Variants in CADPS observed in about 807,000 individuals in gnomAD.
The protein encoded by CADPS is calcium-dependent secretion activator 1.
A neutral mutation model predicts 167.3 loss-of-function variants in CADPS; 57 were observed. The observed-to-expected ratio is 0.34, with a 90% confidence interval of 0.28 to 0.42. The LOEUF is 0.42. Ranked by LOEUF, CADPS falls within the 20% of genes least tolerant of loss-of-function variation. The pLI is 1.00. For synonymous variants in CADPS, 676 were observed against 635.3 expected, an observed-to-expected ratio of 1.06 and a Z score of -0.96; for missense variants, 1,414 against 1,738.1, an observed-to-expected ratio of 0.81 and a Z score of 3.32.
At chr3:62,691,665 A>C (rs1308996187) in intron 3 of CADPS, among the ~76,000 whole-genome samples, 1 of 152,088 alleles carries the variant, frequency 6.6e-6, no homozygotes, top group Non-Finnish European at 1.5e-5. Context: ...TATCCTCAGC[A>C]AACTAAAGCA....
intron 27 of CADPS, among the ~76,000 whole-genome samples, chr3:62,441,831 C>A (rs2056363616): frequency 6.6e-6 from 1 of 152,128 alleles, no homozygotes; most frequent in South Asian, 2.1e-4. Context: ...TGGCAAGTGA[C>A]CTGGGCATTA....
chr3:62,684,741 C>T (rs1335354684), intron 3 of CADPS, among the ~76,000 whole-genome samples: 3 of 151,912 alleles, frequency 2.0e-5, no homozygotes, highest in African/African-American at 7.3e-5. Context: ...TGAGTGTCTT[C>T]CCTGGTTTAA....
At chr3:62,651,375 T>G (rs925840526) in intron 4 of CADPS, among the ~76,000 whole-genome samples, 1 of 152,204 alleles carries the variant, frequency 6.6e-6, no homozygotes, top group Non-Finnish European at 1.5e-5. Flanking sequence ...CAAATTTGAT[T>G]TGTAGGAAGA....
chr3:62,571,072 G>A (rs2081202447), intron 8 of CADPS, 134 bp from the exon 9 acceptor site: 1 of 677,996 alleles, frequency 1.5e-6, no homozygotes, highest in Non-Finnish European at 2.7e-6. Context: ...AGATTTTGGA[G>A]CTCTGTGGTT....
rs2083441750 is a variant in CADPS at position 62,875,177 on chromosome 3, C to G, written c.-148G>C. The G allele has an allele frequency of 2.8e-6, 3 of 1,078,800 alleles. No individual in the cohort carries two copies. The highest frequency in any genetic ancestry group is 7.2e-5 in the East Asian group (2 of 27,604). 66.8% of individuals were successfully genotyped at this position (1,078,800 alleles called of 1,614,324 possible). A position where few individuals can be genotyped will look rare whatever the true frequency, so the allele number is the denominator to read the frequency against. ...GAGCGCTGCTGCTCAGCCTCGGCCG[C>G]CGCGACTGATCCTCTGCCCGGCGGT... On this transcript the variant is annotated 5_prime_UTR_variant, in exon 1 of 30. Transcript: ENST00000383710.
chr3:62,467,973 A>G (rs932339246), intron 24 of CADPS, among the ~76,000 whole-genome samples: 4 of 152,160 alleles, frequency 2.6e-5, no homozygotes, highest in East Asian at 1.9e-4. Flanking sequence ...TCACTTAGTC[A>G]TCTCCTCCAG....
chr3:62,482,578 G>A (rs900216231), intron 21 of CADPS, among the ~76,000 whole-genome samples: 3 of 152,190 alleles, frequency 2.0e-5, no homozygotes, highest in African/African-American at 7.2e-5. Flanking sequence ...ATGCAGAAAT[G>A]TTTACACACA....
chr3:62,560,400 T>C (rs2152365648), intron 9 of CADPS, among the ~76,000 whole-genome samples: 1 of 152,270 alleles, frequency 6.6e-6, no homozygotes, highest in Admixed American at 6.5e-5. Flanking sequence ...TGATGAAAAA[T>C]TAATGAGGCA....
intron 28 of CADPS, among the ~76,000 whole-genome samples, chr3:62,415,891 TTTTTTCTTTCC>T (rs1184366353): frequency 1.3e-5 from 2 of 152,000 alleles, no homozygotes; most frequent in African/African-American, 2.4e-5. Context: ...TCTTTCTTTC[TTTTTTCTTTCC>T]TTTTTTCTTG....
At chr3:62,715,529 C>T (rs981528801) in intron 3 of CADPS, among the ~76,000 whole-genome samples, 6 of 150,858 alleles carry the variant, frequency 4.0e-5, no homozygotes, top group African/African-American at 1.5e-4. Context: ...GAAAACATTG[C>T]CACATATTAA....
At chr3:62,701,868 A>C (rs2081464420) in intron 3 of CADPS, among the ~76,000 whole-genome samples, 1 of 152,156 alleles carries the variant, frequency 6.6e-6, no homozygotes, top group Non-Finnish European at 1.5e-5. Flanking sequence ...TGTCAAAAGG[A>C]AAAGGTTAAG....
chr3:62,776,744 A>G (rs2090412310), intron 1 of CADPS, among the ~76,000 whole-genome samples: 3 of 152,176 alleles, frequency 2.0e-5, no homozygotes, highest in Admixed American at 2.0e-4. Flanking sequence ...AGAATGTTTC[A>G]GGCTTGCTGT....
At chr3:62,837,566 C>T (rs2076073451) in intron 1 of CADPS, among the ~76,000 whole-genome samples, 1 of 152,184 alleles carries the variant, frequency 6.6e-6, no homozygotes, top group African/African-American at 2.4e-5. Context: ...CCTCCCTCCC[C>T]TCTTTCTACA....
intron 3 of CADPS, among the ~76,000 whole-genome samples, chr3:62,752,485 A>G (rs544078308): frequency 1.3e-5 from 2 of 152,334 alleles, no homozygotes; most frequent in African/African-American, 2.4e-5. Context: ...ATAAGACCCT[A>G]CCTACTAGTT....
intron 1 of CADPS, among the ~76,000 whole-genome samples, chr3:62,820,028 T>C (rs1559773980): frequency 3.1e-5 from 1 of 32,638 alleles, no homozygotes; most frequent in African/African-American, 6.8e-5. Context: ...TATGCATGTG[T>C]GCACACACAC....
chr3:62,768,592 C>T (rs1468190220), intron 1 of CADPS, among the ~76,000 whole-genome samples: 1 of 152,146 alleles, frequency 6.6e-6, no homozygotes, highest in Admixed American at 6.5e-5. Context: ...CTGCACCAGA[C>T]ACTACGGGTT....
chr3:62,512,041 GT>G (rs1476748008), intron 17 of CADPS, among the ~76,000 whole-genome samples: 1 of 152,130 alleles, frequency 6.6e-6, no homozygotes. Context: ...TTTCTGAAAT[GT>G]TTTGAAATGT....
chr3:62,592,827 G>T (rs2086357035), intron 6 of CADPS, 79 bp from the exon 7 acceptor site: 2 of 1,035,236 alleles, frequency 1.9e-6, no homozygotes, highest in Non-Finnish European at 2.9e-6. Flanking sequence ...CCCAGGTCAG[G>T]TGAATGCAGG....
Position 62,514,563 on chromosome 3 carries a change from GA to G in CADPS, c.2581+1495del, listed in dbSNP as rs1404655824. On this transcript the variant is annotated intron_variant, in intron 16 of 29. Coordinates refer to ENST00000383710, the MANE Select transcript of CADPS (RefSeq NM_003716.4). The surrounding 1 kb of genome is among the most constrained non-coding windows in gnomAD (Gnocchi z 4.2). ...ACCAAGAAGAATTGAGGCACAAAAG[GA>G]AATTACAGACCAGCTGATCTACTTT... 6.6e-6 allele frequency among the ~76,000 whole-genome samples: 1 copy of G among 152,084 alleles called. No individual in the cohort carries two copies. Among genetic ancestry groups the G allele is most frequent in the Middle Eastern group, 3.2e-3 (1 of 314 alleles).
Sources: gnomAD v4.1 joint callset for allele counts (sites outside exome capture counted in the v4.1 genomes callset) on GRCh38, gnomAD v4.1.1 for gene constraint, Gnocchi (gnomAD v3.1) non-coding constraint, MANE v1.5 for transcripts, NCBI Gene and HGNC (gene_info 2026-07-23, HGNC 2026-07-21) for gene names.